The following MUC4 variants were observed in gnomAD, a reference collection of about 807,000 sequenced individuals.
MUC4 encodes the protein mucin-4.
MUC4 carries 202 observed loss-of-function variants against 257.9 expected under a neutral mutation model. That is an observed-to-expected ratio of 0.78 (90% CI 0.70 to 0.88). The LOEUF (loss-of-function observed/expected upper bound fraction) is 0.88, where lower values mean the gene tolerates loss of function less well. Among genes scored for constraint, MUC4 ranks in the 40% least tolerant of loss-of-function variants. MUC4 has a pLI of 0.00. For missense variants in MUC4, 5,976 were observed against 6,513.7 expected, an observed-to-expected ratio of 0.92 and a Z score of 2.84; for synonymous variants, 2,351 against 2,757.1, an observed-to-expected ratio of 0.85 and a Z score of 4.62.
Position 195,782,511 on chromosome 3 carries a change from G to A in MUC4, c.9069C>T (p.Thr3023=). The change falls in exon 2 of 25, where the codon ACC becomes ACT. Residue 3023 remains threonine, a synonymous_variant. Transcript: ENST00000463781. ...AGGAAGGGCTGGTGACATGAAGAGGGGTGGCGTGACCTGTGGATATTGAGG... is the reference window on the plus strand; with the variant it reads ...AGGAAGGGCTGGTGACATGAAGAGGAGTGGCGTGACCTGTGGATATTGAGG... ...DTSSISTGHA[T]PLHVTSPSSA... The A allele has an allele frequency of 1.4e-6, 2 of 1,383,870 alleles. No homozygotes were observed. The highest frequency in any genetic ancestry group is 1.8e-5 in the African/African-American group (1 of 56,780). 85.7% of individuals were successfully genotyped at this position (1,383,870 alleles called of 1,614,324 possible). A position where few individuals can be genotyped will look rare whatever the true frequency, so the allele number is the denominator to read the frequency against.
At chr3:195,772,634 G>C (rs559947947) in intron 4 of MUC4, among the ~76,000 whole-genome samples, 93 of 134,084 alleles carry the variant, frequency 6.9e-4, no homozygotes, top group Non-Finnish European at 1.2e-3. Context: ...CACTTAGGGG[G>C]TGGAAACCTC....
chr3:195,783,091 G>A lies in MUC4; in HGVS notation c.8489C>T (p.Ala2830Val). 1.4e-6 allele frequency: 1 copy of A among 734,934 alleles called. No individual in the cohort carries two copies. The highest frequency in any genetic ancestry group is 1.9e-6 in the Non-Finnish European group (1 of 516,200). The allele number at this position is 734,934 out of a possible 1,614,324, so 45.5% of individuals were successfully genotyped here. Reference sequence around the variant, plus strand: ...AGGGATGGTGACAGGAAGAGAGGTGGCATGACCTGTGAACACTGAGGAAGC... The same window carrying A: ...AGGGATGGTGACAGGAAGAGAGGTGACATGACCTGTGAACACTGAGGAAGC... ...TDASSVFTGH[A>V]TSLPVTIPSS... The change falls in exon 2 of 25, where the codon GCC (alanine) becomes GTC (valine). Residue 2830 changes from alanine (A) to valine (V), a missense_variant. This residue lies in a region of MUC4 where 228 missense variants were observed against 206.3 expected (regional missense o/e 1.11). Transcript: ENST00000463781.
In MUC4 at chr3:195,788,734, G is replaced by A. The variant is rs372099378; in HGVS notation, c.2846C>T (p.Ser949Phe). 1.9e-6 allele frequency: 3 copies of A among 1,612,388 alleles called. No individual in the cohort carries two copies. Among genetic ancestry groups the A allele is most frequent in the African/African-American group, 2.7e-5 (2 of 74,520 alleles). ...CAGAGTGTGGGTCTCGGTTTGTGGA[G>A]ATGTAAGCCCAGTGGATGTGATCGA... ...PPSITSTGLT[S>F]PQTETHTLSP... Residue 949 changes from serine (S) to phenylalanine (F), a missense_variant, in exon 2 of 25, where the codon TCT becomes TTT. Around this residue, in one of 44 missense-constraint regions of MUC4, gnomAD observed 1,583 missense variants for 1,257.4 expected, o/e 1.26. Coordinates refer to ENST00000463781, the MANE Select transcript of MUC4 (RefSeq NM_018406.7).
intron 5 of MUC4, 60 bp from the exon 6 acceptor site, chr3:195,770,431 C>A: frequency 1.3e-6 from 2 of 1,597,990 alleles, no homozygotes; most frequent in Non-Finnish European, 1.7e-6. Context: ...CACATGGGCC[C>A]CCCACTTTCT....
intron 1 of MUC4, among the ~76,000 whole-genome samples, chr3:195,807,103 C>T (rs893829404): frequency 1.3e-5 from 2 of 152,214 alleles, no homozygotes; most frequent in Non-Finnish European, 2.9e-5. Flanking sequence ...CAAGGCCTCA[C>T]GTGCAACACA....
At chr3:195,762,685 C>G (rs74634732) in intron 13 of MUC4, among the ~76,000 whole-genome samples, 170 bp downstream of exon 13, 16 of 136,556 alleles carry the variant, frequency 1.2e-4, no homozygotes, top group African/African-American at 3.9e-4. Context: ...ACAACGCACC[C>G]GGCCCTGCAC....
chr3:195,753,016 G>A (rs760685205), intron 20 of MUC4, 35 bp downstream of exon 20: 2 of 1,586,804 alleles, frequency 1.3e-6, no homozygotes, highest in Non-Finnish European at 1.7e-6. Flanking sequence ...CCCAGGAAGA[G>A]TGCGGGGGTG....
rs368142455 is a variant in MUC4 at position 195,790,663 on chromosome 3, G to A, written c.917C>T (p.Ser306Leu). The change falls in exon 2 of 25, where the codon TCA becomes TTA. Residue 306 changes from serine (S) to leucine (L), a missense_variant. Transcript: ENST00000463781. ...AGAAGTCCTTGAGAAAGTTGCTGGTGATTGTCCTTCTGGATCAAATGTTAC... is the reference window on the plus strand; with the variant it reads ...AGAAGTCCTTGAGAAAGTTGCTGGTAATTGTCCTTCTGGATCAAATGTTAC... ...ALVTFDPEGQ[S>L]PATFSRTSTQ... 1.4e-5 allele frequency: 23 copies of A among 1,613,924 alleles called. No individual in the cohort carries two copies. The African/African-American group carries it at 2.5e-4, about 18-fold the overall frequency.
chr3:195,778,123 C>G (rs568435493), intron 3 of MUC4, among the ~76,000 whole-genome samples, 180 bp downstream of exon 3: 2 of 152,346 alleles, frequency 1.3e-5, no homozygotes, highest in African/African-American at 2.4e-5. Flanking sequence ...TCTCTGTCTC[C>G]AGCTCCTGGC....
Position 195,750,952 on chromosome 3 carries a change from C to G in MUC4, c.15808G>C (p.Glu5270Gln). 1 of 1,614,048 alleles carries G rather than the reference C, an allele frequency of 6.2e-7. No homozygotes were observed. Among genetic ancestry groups the G allele is most frequent in the Non-Finnish European group, 8.5e-7 (1 of 1,180,004 alleles). The change falls in exon 23 of 25, where the codon GAG (glutamate) becomes CAG (glutamine). Residue 5270 changes from glutamate to glutamine, a missense_variant. This residue lies in a region of MUC4 where 310 missense variants were observed against 242.1 expected (regional missense o/e 1.28). Transcript: ENST00000463781. Reference protein sequence around the residue: ...FLYHVPRRSEEPRNDVVFQPI... With the variant: ...FLYHVPRRSEQPRNDVVFQPI... Reference sequence around the variant, plus strand: ...TGGAAGACCACGTCGTTCCTGGGCTCCTCACTCCTCCGTGGAACGTGGTAT... The same window carrying G: ...TGGAAGACCACGTCGTTCCTGGGCTGCTCACTCCTCCGTGGAACGTGGTAT...
At chr3:195,767,092 G>A (rs111507306) in intron 7 of MUC4, among the ~76,000 whole-genome samples, 5 of 152,158 alleles carry the variant, frequency 3.3e-5, no homozygotes, top group Admixed American at 6.5e-5. Context: ...GGTTTGGAGC[G>A]GGACAGACTC....
In MUC4 at chr3:195,778,788, A is replaced by C. The variant is rs1478117087; in HGVS notation, c.12790+2T>G. 1 of 1,607,720 alleles carries C rather than the reference A, an allele frequency of 6.2e-7. No individual in the cohort carries two copies. The highest frequency in any genetic ancestry group is 1.1e-5 in the South Asian group (1 of 90,218). The stretch of plus-strand genomic sequence containing the variant: ...CATAAAGGCGAGGCAGTTGGCAGCT[A>C]CCTGGTGTTTCCATCTTCAGAGGGG... On this transcript the variant is annotated splice_donor_variant, in intron 2 of 24. Coordinates refer to ENST00000463781, the MANE Select transcript of MUC4 (RefSeq NM_018406.7). LOFTEE classifies it high-confidence loss of function.
In MUC4 at chr3:195,757,171, G is replaced by A; in HGVS notation, c.15144C>T (p.Ser5048=). The change falls in exon 18 of 25, where the codon AGC becomes AGT. Residue 5048 remains serine, a synonymous_variant. Transcript: ENST00000463781. This position sits in a 1 kb window ranked among gnomAD's most constrained non-coding sequence, Gnocchi z 4.8. ...AESQCLYNQT[S]RVGNSSLEVA... is the part of the protein sequence containing the mutation. ...CCTCCAGGGAGGAGTTGCCCACCCT[G>A]CTGGTCTGATTGTACAAACACTGGC... 6.2e-7 allele frequency: 1 copy of A among 1,603,984 alleles called. No individual in the cohort carries two copies.
chr3:195,789,036 C>A lies in MUC4; in HGVS notation c.2544G>T (p.Leu848=). ...SHTTQSTTEL[L]SASASHGAIP... ...TGGCACCATGACTGGCTGAGGCGGA[C>A]AGCAATTCGGTTGTTGACTGGGTTG... The change falls in exon 2 of 25, where the codon CTG becomes CTT. Residue 848 remains leucine, a synonymous_variant. Transcript: ENST00000463781. The A allele has an allele frequency of 6.2e-7, 1 of 1,613,822 alleles. No homozygotes were observed. The highest frequency in any genetic ancestry group is 8.5e-7 in the Non-Finnish European group (1 of 1,179,848).
At chr3:195,808,143 G>GC (rs1411188984) in intron 1 of MUC4, among the ~76,000 whole-genome samples, 1 of 152,232 alleles carries the variant, frequency 6.6e-6, no homozygotes, top group Non-Finnish European at 1.5e-5. Flanking sequence ...ATGACCCTGG[G>GC]CCGACACAAG....
At chr3:195,760,323 G>C (rs939387313) in intron 16 of MUC4, among the ~76,000 whole-genome samples, 2 of 152,214 alleles carry the variant, frequency 1.3e-5, no homozygotes, top group African/African-American at 2.4e-5. Flanking sequence ...CGTAAAGAAG[G>C]TGAGGGGCAA....
chr3:195,751,748 C>T (rs1176354252), intron 21 of MUC4: 1 of 222,418 alleles, frequency 4.5e-6, no homozygotes, highest in Non-Finnish European at 8.9e-6. Context: ...GAGTGCTAGG[C>T]TTGCAGTAGT....
rs1266838223 is a variant in MUC4, at chr3:195,748,989, C to T, written c.15947G>A (p.Ser5316Asn). ...GCACGGGGACACGCAGGTGAAGCCG[C>T]TCTGGGGGCTGTAGACCAGGTCGTA... The part of the protein sequence containing the change: ...KGYDLVYSPQ[S>N]GFTCVSPCSR... The change falls in exon 24 of 25, where the codon AGC (serine) becomes AAC (asparagine). Residue 5316 changes from serine (S) to asparagine (N), a missense_variant. Physicochemically the swap from Ser to Asn is conservative, Grantham distance 46 (BLOSUM62 1). This residue lies in a region of MUC4 where 310 missense variants were observed against 242.1 expected (regional missense o/e 1.28). Coordinates refer to ENST00000463781, the MANE Select transcript of MUC4 (RefSeq NM_018406.7). 3 of 1,610,012 alleles carry T rather than the reference C, an allele frequency of 1.9e-6. No individual in the cohort carries two copies. Among genetic ancestry groups the T allele is most frequent in the Non-Finnish European group, 2.5e-6 (3 of 1,178,052 alleles).
At chr3:195,770,912 T>C in intron 5 of MUC4, 1 of 456,618 alleles carries the variant, frequency 2.2e-6, no homozygotes, top group South Asian at 1.5e-5. Context: ...AAGGCTGAAT[T>C]GTCAGCCCCC....
Sources: gnomAD v4.1 joint callset for allele counts (sites outside exome capture counted in the v4.1 genomes callset) on GRCh38, gnomAD v4.1.1 for gene constraint, gnomAD v4.1.1 regional missense constraint, Gnocchi (gnomAD v3.1) non-coding constraint, MANE v1.5 for transcripts, NCBI Gene and HGNC (gene_info 2026-07-23, HGNC 2026-07-21) for gene names.